The following LEPR variants were observed in gnomAD, a reference collection of about 807,000 sequenced individuals.
The protein encoded by LEPR is OB receptor.
LEPR carries 56 observed loss-of-function variants against 114.7 expected under a neutral mutation model. The ratio of observed to expected loss-of-function variants is 0.49; its 90% CI spans 0.39 to 0.61. LEPR has a LOEUF of 0.61. Among genes scored for constraint, LEPR ranks in the 20% least tolerant of loss-of-function variants. The pLI is 0.00. For synonymous variants in LEPR, 443 were observed against 461.4 expected, an observed-to-expected ratio of 0.96 and a Z score of 0.51; for missense variants, 1,202 against 1,352.9, an observed-to-expected ratio of 0.89 and a Z score of 1.75.
chr1:65,421,654 A>G (rs993614489), intron 1 of LEPR, among the ~76,000 whole-genome samples: 1 of 152,244 alleles, frequency 6.6e-6, no homozygotes, highest in Non-Finnish European at 1.5e-5. Context: ...TGTTAGCAGC[A>G]GACATTTTAT....
chr1:65,609,005 C>A (rs1657000367), intron 12 of LEPR, 104 bp downstream of exon 12: 4 of 1,425,662 alleles, frequency 2.8e-6, no homozygotes, highest in Non-Finnish European at 3.9e-6. Context: ...AAAGTACATT[C>A]TCCTGTATTG....
At chr1:65,591,678 T>C (rs976400790) in intron 5 of LEPR, among the ~76,000 whole-genome samples, 1 of 152,042 alleles carries the variant, frequency 6.6e-6, no homozygotes, top group Non-Finnish European at 1.5e-5. Flanking sequence ...ATGGTATATC[T>C]TTTCCCGTTC....
chr1:65,426,171 C>G (rs112768316), intron 2 of LEPR, among the ~76,000 whole-genome samples: 3 of 151,602 alleles, frequency 2.0e-5, no homozygotes, highest in Admixed American at 2.0e-4. Context: ...AGCAAGCAGG[C>G]CATACAGATC....
intron 2 of LEPR, among the ~76,000 whole-genome samples, chr1:65,487,246 C>T (rs774079171): frequency 7.9e-5 from 12 of 152,010 alleles, no homozygotes; most frequent in Non-Finnish European, 1.5e-4. Context: ...TTTGCTGCTG[C>T]GAAGGATGTT....
chr1:65,595,489 T>G (rs1013487348), intron 6 of LEPR, among the ~76,000 whole-genome samples: 14 of 151,942 alleles, frequency 9.2e-5, no homozygotes, highest in African/African-American at 3.4e-4. Flanking sequence ...AAATTTCACC[T>G]GCTGTTTCCA....
At position 65,426,630 on chromosome 1, in the gene LEPR, C is replaced by T. The variant is rs532722173; in HGVS notation, c.-21+1252C>T. ...AAACCAACCAACAGGTTTTGTTCAT[C>T]GATGTCAGGATTCAACAAGGAGGGA... On this transcript the variant is annotated intron_variant, in intron 2 of 19. Transcript: ENST00000349533. Among the ~76,000 whole-genome samples, 13 of 152,170 alleles carry T rather than the reference C, an allele frequency of 8.5e-5. 1 individual carries two copies. In the South Asian group the frequency reaches 2.3e-3, roughly 27 times the overall value.
intron 2 of LEPR, chr1:65,435,384 T>C: frequency 4.4e-6 from 4 of 912,370 alleles, no homozygotes; most frequent in African/African-American, 1.8e-5. Context: ...TTTTTTTTTT[T>C]TGAGGCAGAG....
intron 2 of LEPR, among the ~76,000 whole-genome samples, chr1:65,425,700 A>T (rs1570418798): frequency 6.6e-6 from 1 of 152,366 alleles, no homozygotes; most frequent in East Asian, 1.9e-4. Flanking sequence ...TCTAGTCAGT[A>T]ATCTGGCAGC....
intron 5 of LEPR, chr1:65,578,291 G>T: frequency 8.7e-6 from 2 of 231,106 alleles, no homozygotes; most frequent in South Asian, 7.2e-5. Context: ...TCACTTCACC[G>T]AAGTTGAAAT....
chr1:65,425,494 G>A (rs763365761), intron 2 of LEPR, 116 bp downstream of exon 2: 1 of 787,228 alleles, frequency 1.3e-6, no homozygotes, highest in African/African-American at 1.8e-5. Context: ...AGTTAGTGGA[G>A]CCCAGTTTAT....
chr1:65,626,594 T>C (rs530472563), intron 19 of LEPR, among the ~76,000 whole-genome samples: 1 of 142,786 alleles, frequency 7.0e-6, no homozygotes, highest in Non-Finnish European at 1.5e-5. Context: ...CTAAAATTCA[T>C]TAACTTTTTT....
At chr1:65,518,374 G>A (rs1038969777) in intron 2 of LEPR, among the ~76,000 whole-genome samples, 6 of 152,240 alleles carry the variant, frequency 3.9e-5, no homozygotes, top group Middle Eastern at 3.4e-3. Flanking sequence ...TGAGAAGGCC[G>A]AGGGGGTCCA....
At chr1:65,497,076 AATTT>A (rs1648200999) in intron 2 of LEPR, among the ~76,000 whole-genome samples, 1 of 152,010 alleles carries the variant, frequency 6.6e-6, no homozygotes, top group Non-Finnish European at 1.5e-5. Context: ...CCCATTCATT[AATTT>A]ATCTGTGTAT....
intron 19 of LEPR, among the ~76,000 whole-genome samples, chr1:65,625,448 G>T (rs1406190205): frequency 1.3e-5 from 2 of 152,034 alleles, no homozygotes; most frequent in African/African-American, 2.4e-5. Context: ...CAGTTTAATG[G>T]GGATGATAAT....
intron 3 of LEPR, among the ~76,000 whole-genome samples, chr1:65,566,322 C>A (rs939499558): frequency 6.6e-6 from 1 of 151,508 alleles, no homozygotes; most frequent in Non-Finnish European, 1.5e-5. Flanking sequence ...CCTGCCTCAG[C>A]CTCTCGAGTA....
chr1:65,639,998 G>A lies in LEPR; in HGVS notation c.*2983G>A, dbSNP rs867639562. ...AAACCTAGTCACCAAATGGTAAAAG[G>A]ACTTGGATGAAATTCCAATACCAGT... On this transcript the variant is annotated 3_prime_UTR_variant, in exon 20 of 20. Transcript: ENST00000349533. 2 of 151,968 alleles carry A rather than the reference G, an allele frequency of 1.3e-5. No individual in the cohort carries two copies. The highest frequency in any genetic ancestry group is 4.8e-5 in the African/African-American group (2 of 41,390). The allele number at this position is 151,968 out of a possible 1,614,324, so 9.4% of individuals were successfully genotyped here.
chr1:65,593,011 G>T, intron 6 of LEPR, 146 bp downstream of exon 6: 1 of 874,806 alleles, frequency 1.1e-6, no homozygotes, highest in East Asian at 2.7e-5. Context: ...GGTATTAAGA[G>T]TGGCTTCTAG....
At chr1:65,431,317 T>A (rs1218684215) in intron 2 of LEPR, among the ~76,000 whole-genome samples, 1 of 152,202 alleles carries the variant, frequency 6.6e-6, no homozygotes, top group Non-Finnish European at 1.5e-5. Context: ...CCCCCAAATG[T>A]GCTTCTGTAA....
intron 2 of LEPR, among the ~76,000 whole-genome samples, chr1:65,550,666 C>G (rs373163717): frequency 6.6e-6 from 1 of 152,154 alleles, no homozygotes; most frequent in African/African-American, 2.4e-5. Flanking sequence ...CTAAGCCTGT[C>G]GGAAAAGCTC....
Sources: gnomAD v4.1 joint callset for allele counts (sites outside exome capture counted in the v4.1 genomes callset) on GRCh38, gnomAD v4.1.1 for gene constraint, MANE v1.5 for transcripts, NCBI Gene and HGNC (gene_info 2026-07-23, HGNC 2026-07-21) for gene names.